Variants in ZDHHC11 observed in about 807,000 individuals in gnomAD.
ZDHHC11 encodes zDHHC palmitoyltransferase 11.
A neutral mutation model predicts 51.3 loss-of-function variants in ZDHHC11; 44 were observed. That is an observed-to-expected ratio of 0.86 (90% CI 0.67 to 1.10). The LOEUF (loss-of-function observed/expected upper bound fraction) is 1.10. Ranked by LOEUF, ZDHHC11 falls within the 50% of genes least tolerant of loss-of-function variation. The pLI, the probability that ZDHHC11 is intolerant of heterozygous loss-of-function variation, is 0.00. For missense variants in ZDHHC11, 400 were observed against 537.7 expected, an observed-to-expected ratio of 0.74 and a Z score of 2.53; for synonymous variants, 163 against 222.0, an observed-to-expected ratio of 0.73 and a Z score of 2.36.
rs1465195111 is a variant in ZDHHC11 at position 856,187 on chromosome 5, A to ACACAC, written c.-1+2682_-1+2686dup. 7.2e-5 allele frequency among the ~76,000 whole-genome samples: 11 copies of ACACAC among 152,006 alleles called. No homozygotes were observed. The East Asian group carries it at 2.1e-3, about 29-fold the overall frequency. On this transcript the variant is annotated intron_variant, in intron 1 of 3. Coordinates refer to the ZDHHC11 transcript ENST00000685990. ...CCATATACCACACAGACCACGTACC[A>ACACAC]CACACACCACACACCACACAACACA...
intron 11 of ZDHHC11, among the ~76,000 whole-genome samples, chr5:804,743 T>C (rs1390233626): frequency 6.6e-6 from 1 of 151,332 alleles, no homozygotes; most frequent in Non-Finnish European, 1.5e-5. Context: ...CAACCAAGAA[T>C]TCTATATGTG....
chr5:848,824 C>T (rs1466154929), intron 1 of ZDHHC11, among the ~76,000 whole-genome samples, 164 bp from the exon 2 acceptor site: 1 of 151,938 alleles, frequency 6.6e-6, no homozygotes, highest in African/African-American at 2.4e-5. Context: ...GCTCACACAG[C>T]CCTGCACACC....
At chr5:810,419 C>T (rs1285201875) in intron 11 of ZDHHC11, among the ~76,000 whole-genome samples, 2 of 151,526 alleles carry the variant, frequency 1.3e-5, no homozygotes, top group African/African-American at 4.8e-5. Context: ...GAATATCCCC[C>T]ATCGGTTTGT....
In ZDHHC11 at chr5:799,501, T is replaced by A. The variant is rs1738107715; in HGVS notation, c.*7+1599A>T. ...TTGTGTCCATCACTGTTAGTCACTGTTGCTCACGGAAGGGAGTCCACAGCT... is the reference window on the plus strand; with the variant it reads ...TTGTGTCCATCACTGTTAGTCACTGATGCTCACGGAAGGGAGTCCACAGCT... On this transcript the variant is annotated intron_variant, in intron 12 of 12. Coordinates refer to ENST00000283441, the MANE Select transcript of ZDHHC11 (RefSeq NM_024786.3). Among the ~76,000 whole-genome samples, 5 of 151,624 alleles carry A rather than the reference T, an allele frequency of 3.3e-5. No homozygotes were observed. In the South Asian group the frequency reaches 1.0e-3, roughly 32 times the overall value.
Position 850,848 on chromosome 5 carries a change from G to A in ZDHHC11, c.-246C>T, listed in dbSNP as rs1216536858. On this transcript the variant is annotated 5_prime_UTR_variant, in exon 1 of 13. Transcript: ENST00000283441. ...AGAATGTGACCCCGGCCAGAGCCGA[G>A]TGGCAACGGAAAACGGCTCTCCAGG... The A allele has an allele frequency of 1.7e-6, 1 of 595,286 alleles. No homozygotes were observed. The highest frequency in any genetic ancestry group is 1.9e-5 in the African/African-American group (1 of 53,778). The allele number at this position is 595,286 out of a possible 1,614,324, so 36.9% of individuals were successfully genotyped here. A position where few individuals can be genotyped will look rare whatever the true frequency, so the allele number is the denominator to read the frequency against.
Position 796,970 on chromosome 5 carries a change from G to A in ZDHHC11, c.*8-390C>T, listed in dbSNP as rs369357415. On this transcript the variant is annotated intron_variant, in intron 12 of 12. Transcript: ENST00000283441. The stretch of plus-strand genomic sequence containing the variant: ...CACCTGTAATCCCAGCACTTTGGGA[G>A]TCCGAGGCGGGTGGATCATGAGGTC... 2.4e-4 allele frequency among the ~76,000 whole-genome samples: 36 copies of A among 151,950 alleles called. No homozygotes were observed. In the South Asian group the frequency reaches 7.3e-3, roughly 31 times the overall value.
At chr5:860,538 A>G (rs535587010), upstream of ZDHHC11, among the ~76,000 whole-genome samples, 1 of 152,126 alleles carries the variant, frequency 6.6e-6, no homozygotes, top group Admixed American at 6.5e-5. This position sits in a 1 kb window ranked among gnomAD's most constrained non-coding sequence, Gnocchi z 4.2. Flanking sequence ...TGCTGTAACA[A>G]AATACCTGAG....
chr5:801,455 T>A (rs1362566388), intron 11 of ZDHHC11, among the ~76,000 whole-genome samples: 10 of 151,914 alleles, frequency 6.6e-5, no homozygotes, highest in African/African-American at 2.4e-4. Context: ...GGAGGCTTGT[T>A]TGGATTTCCA....
Position 841,872 on chromosome 5 carries a change from G to A in ZDHHC11, c.629-1222C>T, listed in dbSNP as rs1344216060. 5.1e-6 allele frequency: 5 copies of A among 988,686 alleles called. No homozygotes were observed. The South Asian group carries it at 1.4e-4, about 27-fold the overall frequency. The allele number at this position is 988,686 out of a possible 1,614,324, so 61.2% of individuals were successfully genotyped here. ...TGTCTTTGGGTGACTCAGCATGGAT[G>A]TCTTTCGGTGACAGACCCTCTCTGG... On this transcript the variant is annotated intron_variant, in intron 4 of 12. Transcript: ENST00000283441.
intron 11 of ZDHHC11, among the ~76,000 whole-genome samples, chr5:804,651 G>C (rs1196397413): frequency 6.6e-6 from 1 of 151,340 alleles, no homozygotes. Context: ...AAATTATCAG[G>C]TGATTTCTCA....
At chr5:803,287 C>T (rs1738752889) in intron 11 of ZDHHC11, among the ~76,000 whole-genome samples, 1 of 151,384 alleles carries the variant, frequency 6.6e-6, no homozygotes, top group African/African-American at 2.4e-5. Context: ...GCAGTGGCTT[C>T]CTCCAGCAGC....
At chr5:831,125 G>C (rs398840) in intron 7 of ZDHHC11, among the ~76,000 whole-genome samples, 1 of 148,334 alleles carries the variant, frequency 6.7e-6, no homozygotes, top group South Asian at 2.1e-4. Context: ...ATGCAATTTA[G>C]CTTAATTTAT....
At chr5:853,063 G>C (rs1385840592), upstream of ZDHHC11, among the ~76,000 whole-genome samples, 1 of 143,364 alleles carries the variant, frequency 7.0e-6, no homozygotes, top group Non-Finnish European at 1.5e-5. Flanking sequence ...AGCGAGCCAG[G>C]TGGACAGACC....
upstream of ZDHHC11, among the ~76,000 whole-genome samples, chr5:854,861 C>T (rs1183090734): frequency 2.2e-5 from 3 of 138,626 alleles, no homozygotes; most frequent in African/African-American, 8.2e-5. Context: ...GACAGCGAGC[C>T]GGGGGGACAG....
intron 1 of ZDHHC11, chr5:850,150 T>C: frequency 1.8e-6 from 1 of 563,376 alleles, no homozygotes. Flanking sequence ...TCCTGACAGA[T>C]TCCCTCTCCG....
chr5:809,014 C>CACACACACACACAT (rs1554050773), intron 11 of ZDHHC11, among the ~76,000 whole-genome samples: 6,586 of 137,498 alleles, frequency 0.048, 237 homozygotes, highest in African/African-American at 0.13. Context: ...CACACACACA[C>CACACACACACACAT]GCACACTATT....
intron 8 of ZDHHC11, 92 bp from the exon 9 acceptor site, chr5:821,987 G>A: frequency 8.4e-7 from 1 of 1,193,734 alleles, no homozygotes; most frequent in Non-Finnish European, 1.2e-6. Context: ...AGTTCTGACA[G>A]TCACTTCTGA....
Position 850,461 on chromosome 5 carries a change from C to T in ZDHHC11, c.142G>A (p.Val48Ile), listed in dbSNP as rs774767277. The T allele has an allele frequency of 8.7e-6, 14 of 1,613,538 alleles. No individual in the cohort carries two copies. Among genetic ancestry groups the T allele is most frequent in the Non-Finnish European group, 1.1e-5 (13 of 1,180,024 alleles). The change falls in exon 1 of 13, where the codon GTC becomes ATC. Residue 48 changes from valine (V) to isoleucine (I), a missense_variant. Physicochemically the swap from Val to Ile is conservative, Grantham distance 29. Around this residue, in one of 5 missense-constraint regions of ZDHHC11, gnomAD observed 119 missense variants for 99.6 expected, o/e 1.20. Coordinates refer to ENST00000283441, the MANE Select transcript of ZDHHC11 (RefSeq NM_024786.3). ...GTGGCCGAGGAAAGGCCCACGAAGA[C>T]AGCCCAGGTCACCACCTGGAAGTAG... is the stretch of plus-strand genomic sequence containing the variant. Reference protein sequence around the residue: ...LHYFQVVTWAVFVGLSSATFG... With the variant: ...LHYFQVVTWAIFVGLSSATFG...
At chr5:844,329 G>C (rs59230174) in intron 3 of ZDHHC11, among the ~76,000 whole-genome samples, 1 of 149,694 alleles carries the variant, frequency 6.7e-6, no homozygotes, top group Non-Finnish European at 1.5e-5. Flanking sequence ...CAAGGAACAA[G>C]GAGGTTGTGA....
Sources: gnomAD v4.1 joint callset for allele counts (sites outside exome capture counted in the v4.1 genomes callset) on GRCh38, gnomAD v4.1.1 for gene constraint, gnomAD v4.1.1 regional missense constraint, Gnocchi (gnomAD v3.1) non-coding constraint, MANE v1.5 for transcripts, NCBI Gene and HGNC (gene_info 2026-07-23, HGNC 2026-07-21) for gene names.